ATXN7L1: variants seen among roughly 807,000 people sequenced by gnomAD.
ATXN7L1 encodes ataxin-7-like protein 1.
A neutral mutation model predicts 70.8 loss-of-function variants in ATXN7L1; 15 were observed. That is an observed-to-expected ratio of 0.21 (90% CI 0.14 to 0.33). ATXN7L1 has a LOEUF of 0.33. ATXN7L1 is among the 10% of genes least tolerant of loss of function. The probability of loss-of-function intolerance (pLI) is 1.00; values close to 1 mark genes in which losing one functional copy is unlikely to be tolerated. For missense variants in ATXN7L1, 975 were observed against 1,097.1 expected (o/e 0.89, Z 1.57); for synonymous variants, 440 against 445.1 (o/e 0.99, Z 0.14).
At chr7:105,816,257 T>A (rs1263359644) in intron 2 of ATXN7L1, among the ~76,000 whole-genome samples, 1 of 152,148 alleles carries the variant, frequency 6.6e-6, no homozygotes, top group East Asian at 1.9e-4. Context: ...AAAGAGGTTG[T>A]TCTGGGGAGA....
chr7:105,673,215 G>A lies in ATXN7L1; in HGVS notation c.356-7927C>T, dbSNP rs747076473. ...AAATTCAGTGTTCCCTTCCCCATAC[G>A]CTTATTCATGGAGATATTTTCATAC... On this transcript the variant is annotated intron_variant, in intron 3 of 11. Coordinates refer to ENST00000419735, the MANE Select transcript of ATXN7L1 (RefSeq NM_020725.2). Among the ~76,000 whole-genome samples the A allele has an allele frequency of 2.0e-4, 31 of 152,270 alleles. 1 individual carries two copies. Among genetic ancestry groups the A allele is most frequent in the Middle Eastern group, 6.8e-3 (2 of 294 alleles).
chr7:105,689,523 G>T (rs1790458378), intron 3 of ATXN7L1, among the ~76,000 whole-genome samples: 2 of 152,200 alleles, frequency 1.3e-5, no homozygotes, highest in Admixed American at 1.3e-4. Context: ...CTGTGGGGGT[G>T]ATTGACACAG....
intron 4 of ATXN7L1, among the ~76,000 whole-genome samples, chr7:105,643,351 T>C (rs1798528230): frequency 6.6e-6 from 1 of 152,186 alleles, no homozygotes; most frequent in Non-Finnish European, 1.5e-5. Flanking sequence ...CAGGGCTGAC[T>C]GATTACCGCC....
chr7:105,722,630 G>A (rs113649141), intron 3 of ATXN7L1, among the ~76,000 whole-genome samples: 2,881 of 121,848 alleles, frequency 0.024, 36 homozygotes, highest in Middle Eastern at 0.043. Flanking sequence ...TGTAATCCCA[G>A]CACTTTGGGA....
chr7:105,871,870 TGAAA>T (rs1395035788), intron 2 of ATXN7L1, among the ~76,000 whole-genome samples: 3 of 152,154 alleles, frequency 2.0e-5, no homozygotes, highest in Non-Finnish European at 4.4e-5. Flanking sequence ...TGGAAAGAAT[TGAAA>T]GAAAGTTTAA....
chr7:105,665,828 G>A (rs1257327827), intron 3 of ATXN7L1, among the ~76,000 whole-genome samples: 1 of 152,226 alleles, frequency 6.6e-6, no homozygotes, highest in African/African-American at 2.4e-5. Context: ...GGACTGAGAG[G>A]ACAGTGTCAG....
intron 3 of ATXN7L1, among the ~76,000 whole-genome samples, chr7:105,739,774 G>T (rs539834874): frequency 1.9e-4 from 29 of 152,284 alleles, no homozygotes; most frequent in African/African-American, 6.5e-4. Flanking sequence ...AGTTCCCTAG[G>T]GATCCTTGTG....
intron 2 of ATXN7L1, among the ~76,000 whole-genome samples, chr7:105,848,442 C>G (rs1026261370): frequency 1.3e-5 from 2 of 152,110 alleles, no homozygotes; most frequent in African/African-American, 4.8e-5. Flanking sequence ...CAAGGATATT[C>G]ATTTGATTGC....
At chr7:105,849,735 T>C (rs1814601667) in intron 2 of ATXN7L1, among the ~76,000 whole-genome samples, 2 of 152,196 alleles carry the variant, frequency 1.3e-5, no homozygotes, top group Admixed American at 1.3e-4. Context: ...TGAATGACAA[T>C]GGGTGCTCTG....
chr7:105,678,496 G>A (rs1385590070), intron 3 of ATXN7L1, among the ~76,000 whole-genome samples: 1 of 152,200 alleles, frequency 6.6e-6, no homozygotes, highest in Non-Finnish European at 1.5e-5. Flanking sequence ...AAGGACCATC[G>A]TGGACAGGAA....
intron 3 of ATXN7L1, among the ~76,000 whole-genome samples, chr7:105,708,270 T>C (rs1793431925): frequency 6.6e-6 from 1 of 152,204 alleles, no homozygotes; most frequent in South Asian, 2.1e-4. Context: ...TCAGTGTCCC[T>C]ACCTTTAAAA....
At chr7:105,788,760 A>G (rs748716458) in intron 2 of ATXN7L1, 52 bp from the exon 3 acceptor site, 1 of 1,406,368 alleles carries the variant, frequency 7.1e-7, no homozygotes, top group Non-Finnish European at 1.0e-6. Flanking sequence ...TAAGTCTCAG[A>G]AGGTGTACAG....
At chr7:105,635,891 A>T (rs1420762572) in intron 7 of ATXN7L1, among the ~76,000 whole-genome samples, 4 of 150,634 alleles carry the variant, frequency 2.7e-5, no homozygotes, top group African/African-American at 9.8e-5. Context: ...TAGATGAAAC[A>T]TCTATTATAT....
chr7:105,807,002 T>C (rs1190724339), intron 2 of ATXN7L1, among the ~76,000 whole-genome samples: 1 of 152,218 alleles, frequency 6.6e-6, no homozygotes, highest in Non-Finnish European at 1.5e-5. Flanking sequence ...AGCCTTCTTT[T>C]CCCTTTTGCC....
intron 3 of ATXN7L1, among the ~76,000 whole-genome samples, chr7:105,692,197 GT>G (rs1790975874): frequency 6.6e-6 from 1 of 152,156 alleles, no homozygotes; most frequent in Non-Finnish European, 1.5e-5. Flanking sequence ...ACACACTGCG[GT>G]TATTAGCAGA....
chr7:105,640,279 G>A (rs115076748), intron 5 of ATXN7L1, among the ~76,000 whole-genome samples: 2 of 152,136 alleles, frequency 1.3e-5, no homozygotes, highest in Non-Finnish European at 2.9e-5. Flanking sequence ...GCTGCTCCCC[G>A]CCCCCACTGC....
At chr7:105,661,328 G>A (rs549302046) in intron 4 of ATXN7L1, among the ~76,000 whole-genome samples, 7 of 152,256 alleles carry the variant, frequency 4.6e-5, no homozygotes, top group Admixed American at 4.6e-4. Context: ...AGAGATGGGG[G>A]GAAATCTGGC....
chr7:105,851,850 C>T (rs1035486755), intron 2 of ATXN7L1, among the ~76,000 whole-genome samples: 1 of 152,196 alleles, frequency 6.6e-6, no homozygotes, highest in African/African-American at 2.4e-5. Context: ...AACAGGAGAG[C>T]TTCACAGGGC....
At chr7:105,649,969 C>A (rs1280331450) in intron 4 of ATXN7L1, among the ~76,000 whole-genome samples, 1 of 152,190 alleles carries the variant, frequency 6.6e-6, no homozygotes, top group East Asian at 1.9e-4. Flanking sequence ...GGCCATATCA[C>A]CCAGCCTCTT....
Sources: allele counts gnomAD v4.1 joint callset (sites outside exome capture counted in the v4.1 genomes callset), GRCh38; gene constraint gnomAD v4.1.1; transcripts MANE v1.5; gene names NCBI Gene and HGNC (gene_info 2026-07-23, HGNC 2026-07-21).